TANC1: variants seen among roughly 807,000 people sequenced by gnomAD.
TANC1 encodes protein TANC1.
A neutral mutation model predicts 149.7 loss-of-function variants in TANC1; 77 were observed. That is an observed-to-expected ratio of 0.51 (90% confidence interval 0.43 to 0.62). The LOEUF is 0.62. Among genes scored for constraint, TANC1 ranks in the 20% least tolerant of loss-of-function variants. The pLI is 0.00. For synonymous variants in TANC1, 854 were observed against 925.0 expected (o/e 0.92, Z 1.39); for missense variants, 1,985 against 2,321.8 (o/e 0.85, Z 2.98).
intron 7 of TANC1, among the ~76,000 whole-genome samples, chr2:159,160,178 G>A (rs1209188981): frequency 6.6e-6 from 1 of 152,146 alleles, no homozygotes; most frequent in African/African-American, 2.4e-5. Context: ...TGTCTCGAGG[G>A]TGGCTGAGAC....
rs758732910 is a variant in TANC1 at position 159,097,750 on chromosome 2, G to A, written c.175G>A (p.Gly59Ser). 13 of 1,613,938 alleles carry A rather than the reference G, an allele frequency of 8.1e-6. No homozygotes were observed. In the East Asian group the frequency reaches 2.9e-4, roughly 36 times the overall value. Residue 59 changes from glycine (G) to serine (S), a missense_variant, in exon 4 of 27, where the codon GGT becomes AGT. Around this residue, in one of 3 missense-constraint regions of TANC1, gnomAD observed 557 missense variants for 612.9 expected, o/e 0.91. Transcript: ENST00000263635. ...EDTYRVSLAK[G>S]VSMSLPSSPL... The stretch of plus-strand genomic sequence containing the variant: ...CACCTATAGGGTGAGCTTGGCCAAA[G>A]GTGTCTCGATGTCTCTGCCTTCCTC...
Position 159,065,893 on chromosome 2 carries a change from T to A in TANC1, c.-15-3T>A. The A allele has an allele frequency of 6.2e-7, 1 of 1,611,534 alleles. No individual in the cohort carries two copies. The highest frequency in any genetic ancestry group is 1.3e-5 in the African/African-American group (1 of 74,996). ...CTCTTCTCTCTGTTTCTTTTCTCCT[T>A]AGAAACAAGTGTTGAAAATGTTAAA... On this transcript the variant is annotated splice_polypyrimidine_tract_variant and splice_region_variant and intron_variant, in intron 2 of 26. Coordinates refer to ENST00000263635, the MANE Select transcript of TANC1 (RefSeq NM_033394.3).
intron 2 of TANC1, among the ~76,000 whole-genome samples, chr2:159,040,568 G>T (rs2040549412): frequency 6.6e-6 from 1 of 152,100 alleles, no homozygotes; most frequent in South Asian, 2.1e-4. Flanking sequence ...TGAAGCTTGT[G>T]CATGCATCAT....
chr2:159,182,521 A>G (rs990003337), intron 14 of TANC1, among the ~76,000 whole-genome samples: 2 of 152,212 alleles, frequency 1.3e-5, no homozygotes, highest in East Asian at 1.9e-4. Flanking sequence ...CTCTTAATCT[A>G]TAGTTTCTCT....
At chr2:158,993,289 G>C (rs2035845406) in intron 1 of TANC1, among the ~76,000 whole-genome samples, 1 of 152,132 alleles carries the variant, frequency 6.6e-6, no homozygotes, top group Admixed American at 6.5e-5. Flanking sequence ...TTGGAGGTGG[G>C]ATCTCGTTCT....
intron 16 of TANC1, among the ~76,000 whole-genome samples, chr2:159,193,076 C>T (rs969273390): frequency 6.6e-6 from 1 of 152,202 alleles, no homozygotes; most frequent in Non-Finnish European, 1.5e-5. Context: ...GATAGATGTC[C>T]AGTACTTTTC....
chr2:159,046,621 G>T lies in TANC1; in HGVS notation c.-15-19275G>T, dbSNP rs1461961577. Among the ~76,000 whole-genome samples, 7 of 112,076 alleles carry T rather than the reference G, an allele frequency of 6.2e-5. No homozygotes were observed. In the South Asian group the frequency reaches 2.2e-3, roughly 35 times the overall value. 73.5% of individuals were successfully genotyped at this position (112,076 alleles called of 152,430 possible). On this transcript the variant is annotated intron_variant, in intron 2 of 26. Coordinates refer to ENST00000263635, the MANE Select transcript of TANC1 (RefSeq NM_033394.3). ...TTTTTTTTTTTTTTTTTTTTTTGAGGCAGGGTCTAGCTTTGTCACCCAGGC... is the reference window on the plus strand; with the variant it reads ...TTTTTTTTTTTTTTTTTTTTTTGAGTCAGGGTCTAGCTTTGTCACCCAGGC...
intron 1 of TANC1, among the ~76,000 whole-genome samples, chr2:158,984,525 G>A (rs951327539): frequency 3.3e-5 from 5 of 152,208 alleles, no homozygotes; most frequent in South Asian, 2.1e-4. Context: ...AGCGGGTGGT[G>A]GAGGTCTTGT....
At chr2:159,215,258 C>T (rs1290051139) in intron 19 of TANC1, among the ~76,000 whole-genome samples, 2 of 152,298 alleles carry the variant, frequency 1.3e-5, no homozygotes, top group Admixed American at 6.5e-5. Context: ...AGGTGATCCA[C>T]GGGAGAGATG....
At chr2:158,983,381 A>G (rs528816167) in intron 1 of TANC1, among the ~76,000 whole-genome samples, 45 of 148,736 alleles carry the variant, frequency 3.0e-4, no homozygotes, top group African/African-American at 7.2e-4. Flanking sequence ...GCAGGAGAAT[A>G]GCGTGAACCC....
chr2:159,183,848 G>A (rs979128944), intron 14 of TANC1, among the ~76,000 whole-genome samples: 20 of 152,140 alleles, frequency 1.3e-4, no homozygotes, highest in Admixed American at 2.0e-4. Flanking sequence ...CTTTGTTCCC[G>A]TGGAATCTGT....
Position 159,225,756 on chromosome 2 carries a change from G to C in TANC1, c.3880G>C (p.Glu1294Gln), listed in dbSNP as rs2059985087. 1 of 1,613,806 alleles carries C rather than the reference G, an allele frequency of 6.2e-7. No individual in the cohort carries two copies. The highest frequency in any genetic ancestry group is 1.7e-5 in the Admixed American group (1 of 60,002). The change falls in exon 24 of 27, where the codon GAG becomes CAG. Residue 1294 changes from glutamate to glutamine, a missense_variant. By Grantham distance (29) the Glu-to-Gln change is conservative. Coordinates refer to ENST00000263635, the MANE Select transcript of TANC1 (RefSeq NM_033394.3). ...GATTATACTTTTACAGAAATTAATG[G>C]AGGAAGGAAATGTGATGTACAAAGT... ...ILIILLQKLM[E>Q]EGNVMYKKGK... is the part of the protein sequence containing the mutation.
intron 19 of TANC1, among the ~76,000 whole-genome samples, chr2:159,203,436 A>G (rs1245854176): frequency 6.6e-6 from 1 of 151,836 alleles, no homozygotes; most frequent in African/African-American, 2.4e-5. Context: ...CCATCTCCTG[A>G]CCTCATGATC....
At position 158,984,398 on chromosome 2, in the gene TANC1, C is replaced by T. The variant is rs566547472; in HGVS notation, c.-126+15616C>T. On this transcript the variant is annotated intron_variant, in intron 1 of 26. Coordinates refer to ENST00000263635, the MANE Select transcript of TANC1 (RefSeq NM_033394.3). ...CTTCACAAGGCTTTTTTGCTTCCTT[C>T]ATAAGAGTGGTGTTAGCCAACTCAA... is the stretch of plus-strand genomic sequence containing the variant. Among the ~76,000 whole-genome samples the T allele has an allele frequency of 6.4e-4, 97 of 152,286 alleles. 2 individuals are homozygous for T. In the South Asian group the frequency reaches 0.019, roughly 30 times the overall value.
At position 159,018,325 on chromosome 2, in the gene TANC1, C is replaced by A. The variant is rs139525053; in HGVS notation, c.-16+17136C>A. Among the ~76,000 whole-genome samples the A allele has an allele frequency of 2.2e-3, 334 of 152,272 alleles. 3 individuals are homozygous for A. The highest frequency in any genetic ancestry group is 3.2e-3 in the Non-Finnish European group (220 of 68,032). On this transcript the variant is annotated intron_variant, in intron 2 of 26. Transcript: ENST00000263635. Reference sequence around the variant, plus strand: ...ACAGCTGTTAAAATAGTTAATACTGCGCTTCCCAACCATTATGGGATGTGC... The same window carrying A: ...ACAGCTGTTAAAATAGTTAATACTGAGCTTCCCAACCATTATGGGATGTGC...
intron 2 of TANC1, chr2:159,055,899 A>G: frequency 6.1e-6 from 1 of 164,818 alleles, no homozygotes. Context: ...TATTTATTTT[A>G]GCCCAAGTGC....
chr2:159,107,401 T>G (rs2047289794), intron 4 of TANC1, among the ~76,000 whole-genome samples: 1 of 152,348 alleles, frequency 6.6e-6, no homozygotes, highest in Non-Finnish European at 1.5e-5. Flanking sequence ...GTCTTTTTGA[T>G]GTCATGTCCT....
chr2:158,972,892 A>T (rs1366896774), intron 1 of TANC1, among the ~76,000 whole-genome samples: 1 of 152,180 alleles, frequency 6.6e-6, no homozygotes, highest in African/African-American at 2.4e-5. Context: ...TTGGTTTTTA[A>T]TAATATTATC....
In TANC1 at chr2:159,228,801, T is replaced by C. The variant is rs752254986; in HGVS notation, c.4056T>C (p.Phe1352=). ...LSRCRRKTND[F]GMAEEFASKA... is the part of the protein sequence containing the mutation. The stretch of plus-strand genomic sequence containing the variant: ...GTATTTCTTGTCGACACCAGGACTT[T>C]GGCATGGCAGAGGAATTTGCTTCCA... The change falls in exon 26 of 27, where the codon TTT becomes TTC. Residue 1352 remains phenylalanine (F), a synonymous_variant. Coordinates refer to ENST00000263635, the MANE Select transcript of TANC1 (RefSeq NM_033394.3). 6.2e-7 allele frequency: 1 copy of C among 1,613,744 alleles called. No homozygotes were observed.
Sources: gnomAD v4.1 joint callset for allele counts (sites outside exome capture counted in the v4.1 genomes callset) on GRCh38, gnomAD v4.1.1 for gene constraint, gnomAD v4.1.1 regional missense constraint, MANE v1.5 for transcripts, NCBI Gene and HGNC (gene_info 2026-07-23, HGNC 2026-07-21) for gene names.